Variants in DENND5B observed in about 807,000 individuals in gnomAD.
DENND5B encodes DENN domain-containing protein 5B.
Under a neutral mutation model 140.6 loss-of-function variants are expected in DENND5B, and 34 were observed. The observed-to-expected ratio is 0.24, with a 90% confidence interval of 0.18 to 0.32. The LOEUF is 0.32. Ranked by LOEUF, DENND5B falls within the 10% of genes least tolerant of loss-of-function variation. The pLI, the probability that DENND5B is intolerant of heterozygous loss-of-function variation, is 1.00. For synonymous variants in DENND5B, 551 were observed against 562.1 expected (o/e 0.98, Z 0.28); for missense variants, 1,142 against 1,560.2 (o/e 0.73, Z 4.52).
chr12:31,447,522 G>A lies in DENND5B; in HGVS notation c.1861+16C>T, dbSNP rs760532838. 1 of 1,585,312 alleles carries A rather than the reference G, an allele frequency of 6.3e-7. No homozygotes were observed. The highest frequency in any genetic ancestry group is 8.6e-7 in the Non-Finnish European group (1 of 1,163,198). On this transcript the variant is annotated intron_variant, in intron 6 of 20. Coordinates refer to ENST00000389082, the MANE Select transcript of DENND5B (RefSeq NM_144973.4). Reference sequence around the variant, plus strand: ...TAATGGATTTTAATTTAATTTAAAAGGCATGGCAAATGTACCTGCTTCTTT... The same window carrying A: ...TAATGGATTTTAATTTAATTTAAAAAGCATGGCAAATGTACCTGCTTCTTT...
At chr12:31,504,755 G>A (rs1378891744) in intron 1 of DENND5B, among the ~76,000 whole-genome samples, 1 of 152,066 alleles carries the variant, frequency 6.6e-6, no homozygotes, top group Non-Finnish European at 1.5e-5. Context: ...ATAACCCCAG[G>A]AGCCTAGAAG....
intron 1 of DENND5B, among the ~76,000 whole-genome samples, chr12:31,539,581 A>C (rs1411000231): frequency 8.5e-5 from 13 of 152,160 alleles, no homozygotes; most frequent in Non-Finnish European, 2.9e-5. Context: ...ACATATGCAA[A>C]TCAATCAATC....
chr12:31,403,598 AAAAAAAG>A (rs895452544), intron 14 of DENND5B, among the ~76,000 whole-genome samples: 2 of 142,156 alleles, frequency 1.4e-5, no homozygotes, highest in Non-Finnish European at 3.0e-5. Flanking sequence ...GCCTCAGAAA[AAAAAAAG>A]AAAGAAAAAA....
At chr12:31,393,377 GGC>G (rs1941253405) in intron 17 of DENND5B, among the ~76,000 whole-genome samples, 1 of 152,128 alleles carries the variant, frequency 6.6e-6, no homozygotes, top group South Asian at 2.1e-4. Context: ...CTCCCTTCCT[GGC>G]TAGTCAATCT....
chr12:31,389,626 A>G (rs1941022841), intron 19 of DENND5B, 128 bp from the exon 20 acceptor site: 3 of 825,238 alleles, frequency 3.6e-6, no homozygotes, highest in South Asian at 2.4e-5. Context: ...AGCCAATATC[A>G]TTACTTTATC....
At chr12:31,409,141 A>G (rs1321557619) in intron 14 of DENND5B, 122 bp downstream of exon 14, 18 of 1,102,856 alleles carry the variant, frequency 1.6e-5, no homozygotes, top group African/African-American at 4.8e-5. Flanking sequence ...ACTCCTAAAC[A>G]GAGACCTGGG....
Position 31,520,462 on chromosome 12 carries a change from C to G in DENND5B, c.128-24543G>C, listed in dbSNP as rs562507827. 2.0e-5 allele frequency among the ~76,000 whole-genome samples: 3 copies of G among 152,240 alleles called. No individual in the cohort carries two copies. In the East Asian group the frequency reaches 5.8e-4, roughly 29 times the overall value. ...CATAGAAACTAGGCAGATAATGGAA[C>G]TGAAATAAACTTAGTAAGCAAAGAA... On this transcript the variant is annotated intron_variant, in intron 1 of 20. Transcript: ENST00000389082.
chr12:31,442,698 T>C, intron 7 of DENND5B, 77 bp downstream of exon 7: 6 of 1,465,642 alleles, frequency 4.1e-6, no homozygotes, highest in South Asian at 1.4e-5. Flanking sequence ...TAGTTAAGCA[T>C]TGTCCATTTG....
chr12:31,452,228 T>G lies in DENND5B; in HGVS notation c.1341A>C (p.Leu447Phe), dbSNP rs1363699788. ...GGGCTATGGTTTCATTGCCCTTCAGTAACTCATACATGCTGATGTTATTAG... is the reference window on the plus strand; with the variant it reads ...GGGCTATGGTTTCATTGCCCTTCAGGAACTCATACATGCTGATGTTATTAG... ...VCTNNISMYE[L>F]LKGNETIARL... The change falls in exon 5 of 21, where the codon TTA (leucine) becomes TTC (phenylalanine). Residue 447 changes from leucine (L) to phenylalanine (F), a missense_variant. This residue lies in a region of DENND5B where 708 missense variants were observed against 905.5 expected (regional missense o/e 0.78). Transcript: ENST00000389082. 2 of 1,614,018 alleles carry G rather than the reference T, an allele frequency of 1.2e-6. No homozygotes were observed. Among genetic ancestry groups the G allele is most frequent in the South Asian group, 1.1e-5 (1 of 91,072 alleles).
chr12:31,403,663 C>A (rs1941948012), intron 14 of DENND5B, among the ~76,000 whole-genome samples: 1 of 149,962 alleles, frequency 6.7e-6, no homozygotes, highest in Non-Finnish European at 1.5e-5. Flanking sequence ...TTTGGGAGGC[C>A]GAGGTGGGTG....
At chr12:31,491,083 T>C (rs1159818460) in intron 2 of DENND5B, among the ~76,000 whole-genome samples, 1 of 152,202 alleles carries the variant, frequency 6.6e-6, no homozygotes, top group East Asian at 1.9e-4. Flanking sequence ...ACTAGAATAT[T>C]ACATAGTCAT....
At chr12:31,476,040 C>T (rs1377923855) in intron 3 of DENND5B, among the ~76,000 whole-genome samples, 4 of 151,686 alleles carry the variant, frequency 2.6e-5, no homozygotes, top group Admixed American at 6.6e-5. Flanking sequence ...GCACGAGAAT[C>T]GCTTGAACCC....
At chr12:31,419,447 C>CAA (rs71444401) in intron 11 of DENND5B, among the ~76,000 whole-genome samples, 18,949 of 131,446 alleles carry the variant, frequency 0.14, 1,436 homozygotes, top group Non-Finnish European at 0.19. Flanking sequence ...ACTCCATCTC[C>CAA]AAAAAAAAAA....
At chr12:31,566,803 C>T (rs1299025015) in intron 1 of DENND5B, among the ~76,000 whole-genome samples, 1 of 152,148 alleles carries the variant, frequency 6.6e-6, no homozygotes. Context: ...CAATAGCAGG[C>T]AGTTCAACAT....
intron 2 of DENND5B, among the ~76,000 whole-genome samples, chr12:31,494,965 TG>T (rs1174049030): frequency 6.6e-6 from 1 of 152,238 alleles, no homozygotes; most frequent in Non-Finnish European, 1.5e-5. Flanking sequence ...TTTGTTTGTA[TG>T]TTTTGTCCAA....
At chr12:31,390,973 G>T (rs1305414237) in intron 19 of DENND5B, among the ~76,000 whole-genome samples, 1 of 150,950 alleles carries the variant, frequency 6.6e-6, no homozygotes, top group Non-Finnish European at 1.5e-5. Context: ...CTGAGATGGG[G>T]CCACTGCACT....
intron 1 of DENND5B, among the ~76,000 whole-genome samples, chr12:31,501,280 TCTC>T (rs1946991066): frequency 6.6e-6 from 1 of 152,110 alleles, no homozygotes; most frequent in Non-Finnish European, 1.5e-5. Flanking sequence ...ACTCTGCACT[TCTC>T]CTTGCTGCTG....
intron 2 of DENND5B, among the ~76,000 whole-genome samples, chr12:31,493,020 T>TC (rs1565633788): frequency 6.6e-6 from 1 of 152,172 alleles, no homozygotes; most frequent in East Asian, 1.9e-4. Flanking sequence ...CACCATGCTA[T>TC]CCCCTCCCTA....
chr12:31,556,983 A>C (rs1949308688), intron 1 of DENND5B, among the ~76,000 whole-genome samples: 1 of 152,210 alleles, frequency 6.6e-6, no homozygotes, highest in African/African-American at 2.4e-5. Context: ...AAATCAAAAC[A>C]ACCTCAGAAT....
Sources: allele counts gnomAD v4.1 joint callset (sites outside exome capture counted in the v4.1 genomes callset), GRCh38; gene constraint gnomAD v4.1.1; regional missense constraint gnomAD v4.1.1; transcripts MANE v1.5; gene names NCBI Gene and HGNC (gene_info 2026-07-23, HGNC 2026-07-21).